PER3: variants seen among roughly 807,000 people sequenced by gnomAD.
PER3 encodes the protein period circadian protein homolog 3.
A neutral mutation model predicts 127.2 loss-of-function variants in PER3; 107 were observed. The observed-to-expected ratio is 0.84, with a 90% CI of 0.72 to 0.99. PER3 has a LOEUF of 0.99. Among genes scored for constraint, PER3 ranks in the 50% least tolerant of loss-of-function variants. The pLI is 0.00. For missense variants in PER3, 1,560 were observed against 1,525.8 expected (o/e 1.02, Z -0.37); for synonymous variants, 618 against 585.8 (o/e 1.05, Z -0.79).
chr1:7,834,282 A>G (rs935941284), intron 19 of PER3, among the ~76,000 whole-genome samples: 1 of 152,092 alleles, frequency 6.6e-6, no homozygotes, highest in Admixed American at 6.5e-5. Context: ...TATTATGCCT[A>G]TTGTATCACT....
Position 7,835,810 on chromosome 1 carries a change from A to G in PER3, c.3263A>G (p.Lys1088Arg). 1 of 1,612,782 alleles carries G rather than the reference A, an allele frequency of 6.2e-7. No individual in the cohort carries two copies. Among genetic ancestry groups the G allele is most frequent in the Non-Finnish European group, 8.5e-7 (1 of 1,178,776 alleles). The change falls in exon 20 of 22, where the codon AAA (lysine) becomes AGA (arginine). Residue 1088 changes from lysine to arginine, a missense_variant. Physicochemically the swap from Lys to Arg is conservative, Grantham distance 26 (BLOSUM62 2). Coordinates refer to ENST00000377532, the MANE Select transcript of PER3 (RefSeq NM_001377275.1). ...IYLTSSVYSS[K>R]ISQNGQQSQD... ...CTTACTAGTAGTGTTTATTCTTCTA[A>G]AATCTCCCAAAATGGGCAGCAATCT...
chr1:7,840,112 C>T (rs971340070), intron 21 of PER3, among the ~76,000 whole-genome samples: 6 of 151,986 alleles, frequency 3.9e-5, no homozygotes, highest in Admixed American at 6.6e-5. Context: ...TTCAATTGTC[C>T]GGTCTTCATA....
intron 16 of PER3, among the ~76,000 whole-genome samples, chr1:7,824,008 A>G (rs1211276958): frequency 6.6e-6 from 1 of 152,266 alleles, no homozygotes; most frequent in African/African-American, 2.4e-5. Context: ...ATGTTTATAA[A>G]TCAGACAACA....
chr1:7,802,619 C>T (rs574470867), intron 8 of PER3, among the ~76,000 whole-genome samples: 1 of 151,210 alleles, frequency 6.6e-6, no homozygotes, highest in East Asian at 2.1e-4. Context: ...TAGCAACCTG[C>T]ATTATTCATT....
intron 10 of PER3, among the ~76,000 whole-genome samples, chr1:7,806,786 C>T (rs867000970): frequency 1.1e-4 from 11 of 96,996 alleles, no homozygotes; most frequent in Middle Eastern, 5.6e-3. Flanking sequence ...AGAGCAAGAC[C>T]CTGTCTCTTA....
rs769327382 is a variant in PER3 at position 7,837,103 on chromosome 1, A to G, written c.3503A>G (p.Tyr1168Cys). Residue 1168 changes from tyrosine (Y) to cysteine (C), a missense_variant, in exon 21 of 22, where the codon TAT (tyrosine) becomes TGT (cysteine). Physicochemically the swap from Tyr to Cys is radical, Grantham distance 194 (BLOSUM62 -2). This residue lies in a region of PER3 where 199 missense variants were observed against 198.6 expected (regional missense o/e 1.00). Transcript: ENST00000377532. ...CAAAAGGAGGAGCTGGCTAAGGTGT[A>G]TAATTGGATTCAAAGCCAGACTGTC... ...HGQKEELAKV[Y>C]NWIQSQTVTQ... The G allele has an allele frequency of 7.4e-6, 12 of 1,613,926 alleles. No homozygotes were observed. In the Admixed American group the frequency reaches 1.5e-4, roughly 20 times the overall value.
rs2097100150 is a variant in PER3 at position 7,787,988 on chromosome 1, G to C, written c.391-57G>C. Reference sequence around the variant, plus strand: ...AGATCCAGAAGAAATTTACCTTTCAGGGAATATTGCTAGTGAGTATCTCAA... The same window carrying C: ...AGATCCAGAAGAAATTTACCTTTCACGGAATATTGCTAGTGAGTATCTCAA... On this transcript the variant is annotated intron_variant, in intron 4 of 21. Coordinates refer to ENST00000377532, the MANE Select transcript of PER3 (RefSeq NM_001377275.1). The C allele has an allele frequency of 3.1e-5, 39 of 1,265,560 alleles. No homozygotes were observed. In the East Asian group the frequency reaches 9.0e-4, roughly 29 times the overall value. 78.4% of individuals were successfully genotyped at this position (1,265,560 alleles called of 1,614,324 possible). A position where few individuals can be genotyped will look rare whatever the true frequency, so the allele number is the denominator to read the frequency against.
intron 20 of PER3, among the ~76,000 whole-genome samples, 189 bp downstream of exon 20, chr1:7,836,134 A>C (rs2097357254): frequency 6.6e-6 from 1 of 151,960 alleles, no homozygotes. Context: ...AGTAGCTGGA[A>C]TTATAGATGT....
At chr1:7,829,438 CTTCTCT>C (rs1346882036) in intron 18 of PER3, among the ~76,000 whole-genome samples, 1 of 152,184 alleles carries the variant, frequency 6.6e-6, no homozygotes, top group East Asian at 1.9e-4. Context: ...CACTTTATGA[CTTCTCT>C]TTGGCATATC....
At chr1:7,815,991 C>CAAAAAAAAAAAAAAA (rs34144861) in intron 13 of PER3, among the ~76,000 whole-genome samples, 2 of 67,660 alleles carry the variant, frequency 3.0e-5, no homozygotes, top group East Asian at 1.6e-3. Flanking sequence ...GACTCCGTCT[C>CAAAAAAAAAAAAAAA]AAAAAAAAAA....
chr1:7,794,320 G>A (rs2097135388), intron 6 of PER3, among the ~76,000 whole-genome samples: 1 of 151,932 alleles, frequency 6.6e-6, no homozygotes, highest in African/African-American at 2.4e-5. Flanking sequence ...TGGTGAAACG[G>A]CGTTTCTACT....
chr1:7,809,425 T>A (rs528466166), intron 11 of PER3, among the ~76,000 whole-genome samples: 7 of 152,226 alleles, frequency 4.6e-5, no homozygotes, highest in Non-Finnish European at 8.8e-5. Context: ...CTACAAGAGA[T>A]TCAATGAATA....
At chr1:7,819,078 A>G (rs998450099) in intron 13 of PER3, among the ~76,000 whole-genome samples, 3 of 152,208 alleles carry the variant, frequency 2.0e-5, no homozygotes, top group African/African-American at 7.2e-5. Context: ...TCTATGTGTA[A>G]TGTGCTCTGC....
At chr1:7,787,867 G>T (rs2097099609) in intron 4 of PER3, 178 bp from the exon 5 acceptor site, 1 of 607,056 alleles carries the variant, frequency 1.6e-6, no homozygotes, top group Non-Finnish European at 2.9e-6. Context: ...CAGGTCTTAG[G>T]AGAAGATTTA....
rs2151128103 is a variant in PER3, at chr1:7,826,557, C to G, written c.2035C>G (p.His679Asp). The G allele has an allele frequency of 6.2e-7, 1 of 1,613,850 alleles. No individual in the cohort carries two copies. Among genetic ancestry groups the G allele is most frequent in the Middle Eastern group, 1.6e-4 (1 of 6,062 alleles). The change falls in exon 17 of 22, where the codon CAC (histidine) becomes GAC (aspartate). Residue 679 changes from histidine (H) to aspartate (D), a missense_variant. This residue lies in a region of PER3 where 1,332 missense variants were observed against 1,223.6 expected (regional missense o/e 1.09). Coordinates refer to ENST00000377532, the MANE Select transcript of PER3 (RefSeq NM_001377275.1). This position sits in a 1 kb window ranked among gnomAD's most constrained non-coding sequence, Gnocchi z 4.2. ...PAPLTSEEFKHVGLTAAVLSA... is the reference protein window; with the variant it reads ...PAPLTSEEFKDVGLTAAVLSA... ...CCCTTTGACCTCGGAAGAATTTAAA[C>G]ACGTGGGGCTCACAGCGGCTGTTCT...
intron 16 of PER3, among the ~76,000 whole-genome samples, chr1:7,825,037 T>C (rs1289937794): frequency 1.3e-5 from 2 of 150,672 alleles, no homozygotes; most frequent in Admixed American, 1.3e-4. Flanking sequence ...TTTTATATAT[T>C]TTGGCTTTTT....
chr1:7,804,694 G>A lies in PER3; in HGVS notation c.1136+846G>A, dbSNP rs191096261. Among the ~76,000 whole-genome samples, 44 of 151,438 alleles carry A rather than the reference G, an allele frequency of 2.9e-4. 1 individual carries two copies. The highest frequency in any genetic ancestry group is 8.5e-4 in the African/African-American group (35 of 41,262). ...GAATTTTGAAGGTACGAGCCACTGC[G>A]CCCGGACTGTGTCCATTTTTTAATA... On this transcript the variant is annotated intron_variant, in intron 10 of 21. Coordinates refer to ENST00000377532, the MANE Select transcript of PER3 (RefSeq NM_001377275.1).
At chr1:7,835,648 G>A (rs1358664772) in intron 19 of PER3, 114 bp from the exon 20 acceptor site, 7 of 687,630 alleles carry the variant, frequency 1.0e-5, no homozygotes, top group African/African-American at 5.4e-5. Context: ...GGAAATGATG[G>A]TTGGGCTGGC....
chr1:7,821,051 C>A (rs1380647763), intron 16 of PER3, among the ~76,000 whole-genome samples: 2 of 152,190 alleles, frequency 1.3e-5, no homozygotes, highest in Non-Finnish European at 2.9e-5. Flanking sequence ...GTCACACATA[C>A]CTTCAGATTT....
Sources: gnomAD v4.1 joint callset for allele counts (sites outside exome capture counted in the v4.1 genomes callset) on GRCh38, gnomAD v4.1.1 for gene constraint, gnomAD v4.1.1 regional missense constraint, Gnocchi (gnomAD v3.1) non-coding constraint, MANE v1.5 for transcripts, NCBI Gene and HGNC (gene_info 2026-07-23, HGNC 2026-07-21) for gene names.